The following OXR1 variants were observed in gnomAD, a reference collection of about 807,000 sequenced individuals.
OXR1 encodes oxidation resistance protein 1.
In OXR1, 41 loss-of-function variants were observed where a neutral mutation model predicts 104.6. The observed-to-expected ratio is 0.39, with a 90% CI of 0.31 to 0.51. OXR1 has a LOEUF of 0.51. OXR1 is among the 20% of genes least tolerant of loss of function. The pLI is 0.77. For synonymous variants in OXR1, 348 were observed against 348.4 expected (o/e 1.00, Z 0.01); for missense variants, 955 against 1,031.9 (o/e 0.93, Z 1.02).
intron 3 of OXR1, among the ~76,000 whole-genome samples, chr8:106,535,903 G>A (rs1019962381): frequency 1.3e-5 from 2 of 151,994 alleles, no homozygotes; most frequent in African/African-American, 4.8e-5. Context: ...CCTTGTCATT[G>A]GATGAGTAGT....
At chr8:106,735,116 A>C (rs1418035169) in intron 11 of OXR1, among the ~76,000 whole-genome samples, 1 of 152,072 alleles carries the variant, frequency 6.6e-6, no homozygotes, top group Admixed American at 6.5e-5. Context: ...CCTCATATAT[A>C]CTGGGAATAT....
chr8:106,647,962 G>C (rs1824224256), intron 3 of OXR1, among the ~76,000 whole-genome samples: 1 of 152,170 alleles, frequency 6.6e-6, no homozygotes, highest in Admixed American at 6.5e-5. Flanking sequence ...TTTGCTTAAA[G>C]ATTTGCAGAT....
At chr8:106,582,119 G>A (rs1818276205) in intron 3 of OXR1, among the ~76,000 whole-genome samples, 3 of 137,408 alleles carry the variant, frequency 2.2e-5, no homozygotes, top group Admixed American at 1.5e-4. Flanking sequence ...AAACCTATCA[G>A]ATAATTTATA....
At chr8:106,670,644 G>A (rs1239031232) in intron 3 of OXR1, among the ~76,000 whole-genome samples, 1 of 152,032 alleles carries the variant, frequency 6.6e-6, no homozygotes, top group African/African-American at 2.4e-5. Context: ...GGATTTAGCA[G>A]CAAATTAGAC....
At chr8:106,718,329 C>T (rs776960) in intron 11 of OXR1, among the ~76,000 whole-genome samples, 89,979 of 151,944 alleles carry the variant, frequency 0.59, 27,248 homozygotes, top group African/African-American at 0.72. Context: ...ACATTGAAGA[C>T]CAGTCCTATT....
At chr8:106,459,771 G>A (rs890230213) in intron 2 of OXR1, among the ~76,000 whole-genome samples, 1 of 152,090 alleles carries the variant, frequency 6.6e-6, no homozygotes, top group African/African-American at 2.4e-5. Context: ...TAAATTTCTT[G>A]TGTTTCCTAT....
At chr8:106,310,626 A>G (rs1813661514) in intron 1 of OXR1, among the ~76,000 whole-genome samples, 1 of 152,210 alleles carries the variant, frequency 6.6e-6, no homozygotes, top group Non-Finnish European at 1.5e-5. Context: ...GAGATATCAC[A>G]TGGTCTGAAA....
At chr8:106,295,947 C>T (rs2130065235) in intron 1 of OXR1, among the ~76,000 whole-genome samples, 1 of 152,282 alleles carries the variant, frequency 6.6e-6, no homozygotes, top group South Asian at 2.1e-4. Flanking sequence ...TGGTGGAGAT[C>T]TCAGAGCCTG....
At chr8:106,342,760 T>C (rs1299786070) in intron 1 of OXR1, among the ~76,000 whole-genome samples, 2 of 152,134 alleles carry the variant, frequency 1.3e-5, no homozygotes, top group Admixed American at 6.5e-5. Context: ...CTCACTATAG[T>C]GGGGTTATTT....
intron 1 of OXR1, among the ~76,000 whole-genome samples, chr8:106,309,857 T>C (rs1813625118): frequency 6.6e-6 from 1 of 151,478 alleles, no homozygotes; most frequent in Non-Finnish European, 1.5e-5. Context: ...TGAGGGTTTG[T>C]AATTTTACAA....
At chr8:106,368,563 C>G (rs760357098) in intron 2 of OXR1, among the ~76,000 whole-genome samples, 63 of 152,128 alleles carry the variant, frequency 4.1e-4, no homozygotes, top group Middle Eastern at 6.8e-3. Flanking sequence ...CCCCCACCCC[C>G]CAACAGGCCC....
intron 2 of OXR1, among the ~76,000 whole-genome samples, chr8:106,396,430 A>G (rs1165766535): frequency 6.6e-6 from 1 of 152,110 alleles, no homozygotes; most frequent in East Asian, 1.9e-4. Flanking sequence ...CCCCAAACAC[A>G]TAGTCCTAGT....
intron 2 of OXR1, among the ~76,000 whole-genome samples, chr8:106,475,953 A>G (rs1025725682): frequency 1.3e-5 from 2 of 151,342 alleles, no homozygotes; most frequent in Non-Finnish European, 2.9e-5. Context: ...CATAAATTCT[A>G]TAGAGTTGTG....
chr8:106,278,988 C>T (rs1812173461), intron 1 of OXR1, among the ~76,000 whole-genome samples: 1 of 152,094 alleles, frequency 6.6e-6, no homozygotes. Context: ...TACTTTAGCA[C>T]AATGCAGTTC....
intron 1 of OXR1, among the ~76,000 whole-genome samples, chr8:106,344,638 AT>A (rs1012186210): frequency 6.6e-6 from 1 of 152,050 alleles, no homozygotes; most frequent in African/African-American, 2.4e-5. Context: ...CGCCCGGCCA[AT>A]TTTTTTAAAC....
At chr8:106,540,570 C>T (rs1814874564) in intron 3 of OXR1, among the ~76,000 whole-genome samples, 1 of 152,140 alleles carries the variant, frequency 6.6e-6, no homozygotes, top group Non-Finnish European at 1.5e-5. Flanking sequence ...TTTCTGCCCT[C>T]AATTAGCATT....
intron 11 of OXR1, among the ~76,000 whole-genome samples, chr8:106,717,947 C>T (rs1307793962): frequency 6.6e-6 from 1 of 152,122 alleles, no homozygotes; most frequent in East Asian, 1.9e-4. Context: ...AAGGGCAATA[C>T]TTTACATTTT....
At chr8:106,681,532 T>C (rs1828151583) in intron 4 of OXR1, among the ~76,000 whole-genome samples, 1 of 152,126 alleles carries the variant, frequency 6.6e-6, no homozygotes. Context: ...TTTATTTTAT[T>C]TTGTTTTCTG....
intron 2 of OXR1, among the ~76,000 whole-genome samples, chr8:106,454,920 A>G (rs1820521647): frequency 6.6e-6 from 1 of 152,154 alleles, no homozygotes; most frequent in African/African-American, 2.4e-5. Flanking sequence ...CCCTCTGAGC[A>G]TTTTGTGTAT....
Sources: gnomAD v4.1 joint callset for allele counts (sites outside exome capture counted in the v4.1 genomes callset) on GRCh38, gnomAD v4.1.1 for gene constraint, MANE v1.5 for transcripts, NCBI Gene and HGNC (gene_info 2026-07-23, HGNC 2026-07-21) for gene names.